The following CNTNAP5 variants were observed in gnomAD, a reference collection of about 807,000 sequenced individuals.
CNTNAP5 encodes contactin associated protein family member 5, also known as contactin-associated protein-like 5.
CNTNAP5 carries 72 observed loss-of-function variants against 150.2 expected under a neutral mutation model. The observed-to-expected ratio is 0.48, with a 90% confidence interval of 0.40 to 0.58. The LOEUF (loss-of-function observed/expected upper bound fraction) is 0.58, where lower values mean the gene tolerates loss of function less well. Ranked by LOEUF, CNTNAP5 falls within the 20% of genes least tolerant of loss-of-function variation. The pLI, the probability that CNTNAP5 is intolerant of heterozygous loss-of-function variation, is 0.00. For missense variants in CNTNAP5, 1,636 were observed against 1,626.2 expected (o/e 1.01, Z -0.10); for synonymous variants, 672 against 619.8 (o/e 1.08, Z -1.25).
chr2:124,775,249 T>C (rs1229391293), intron 17 of CNTNAP5, among the ~76,000 whole-genome samples: 1 of 152,160 alleles, frequency 6.6e-6, no homozygotes, highest in African/African-American at 2.4e-5. Context: ...AATTCAGTTG[T>C]TCAATAAATA....
At chr2:124,900,473 C>T (rs1678394132) in intron 21 of CNTNAP5, among the ~76,000 whole-genome samples, 1 of 151,444 alleles carries the variant, frequency 6.6e-6, no homozygotes, top group Non-Finnish European at 1.5e-5. Context: ...TTCAGAAACA[C>T]CTCAAGGTTT....
intron 11 of CNTNAP5, among the ~76,000 whole-genome samples, chr2:124,599,009 C>T (rs931368060): frequency 1.3e-5 from 2 of 152,158 alleles, no homozygotes; most frequent in East Asian, 1.9e-4. Flanking sequence ...GGCTCACGCA[C>T]GGTGCGCACA....
Position 124,919,358 on chromosome 2 carries a change from A to G in CNTNAP5, c.*5070A>G, listed in dbSNP as rs1678829539. On this transcript the variant is annotated 3_prime_UTR_variant, in exon 24 of 24. Transcript: ENST00000682447. ...ACTCTGAGGAAGAACAGAAAAGCAC[A>G]TTTTCTAGTGAAATATTGTACTTTG... 6.6e-6 allele frequency among the ~76,000 whole-genome samples: 1 copy of G among 152,116 alleles called. No individual in the cohort carries two copies. Among genetic ancestry groups the G allele is most frequent in the South Asian group, 2.1e-4 (1 of 4,828 alleles).
intron 1 of CNTNAP5, among the ~76,000 whole-genome samples, chr2:124,172,301 G>A (rs1276867522): frequency 2.6e-5 from 4 of 152,130 alleles, no homozygotes; most frequent in Non-Finnish European, 4.4e-5. Flanking sequence ...AGTGAGACGT[G>A]CTCAGTTTAG....
rs1573624466 is a variant in CNTNAP5, at chr2:124,798,374, G to A, written c.3217+54G>A. The A allele has an allele frequency of 4.7e-6, 6 of 1,271,130 alleles. No individual in the cohort carries two copies. The East Asian group carries it at 1.4e-4, about 29-fold the overall frequency. The allele number at this position is 1,271,130 out of a possible 1,614,324, so 78.7% of individuals were successfully genotyped here. On this transcript the variant is annotated intron_variant, in intron 19 of 23. Transcript: ENST00000682447. ...AGTCTCAGCCTGGGCTGGAGGGACG[G>A]TGCATGCCCTCCAGAACTCTGCATA...
intron 3 of CNTNAP5, among the ~76,000 whole-genome samples, chr2:124,367,664 T>G (rs985379676): frequency 6.6e-6 from 1 of 152,142 alleles, no homozygotes; most frequent in Non-Finnish European, 1.5e-5. Context: ...CTGAATGCAG[T>G]CTGTTGGCAT....
rs370486486 is a variant in CNTNAP5, at chr2:124,887,775, C to T, written c.3437-15107C>T. Among the ~76,000 whole-genome samples the T allele has an allele frequency of 5.2e-4, 79 of 152,068 alleles. 1 individual carries two copies. The highest frequency in any genetic ancestry group is 2.1e-3 in the Admixed American group (32 of 15,260). Reference sequence around the variant, plus strand: ...TTTTCATTCCTGGCATGGGAGACCCCGTGTACAGCCTGGTCTTGCAGAGCC... The same window carrying T: ...TTTTCATTCCTGGCATGGGAGACCCTGTGTACAGCCTGGTCTTGCAGAGCC... On this transcript the variant is annotated intron_variant, in intron 21 of 23. Coordinates refer to ENST00000682447, the MANE Select transcript of CNTNAP5 (RefSeq NM_001367498.1).
intron 3 of CNTNAP5, among the ~76,000 whole-genome samples, chr2:124,372,305 T>C (rs1276608451): frequency 1.3e-5 from 2 of 152,064 alleles, no homozygotes; most frequent in Non-Finnish European, 2.9e-5. Context: ...TTTTAGGCAT[T>C]TGGACTTGGG....
intron 13 of CNTNAP5, among the ~76,000 whole-genome samples, chr2:124,688,503 G>C (rs902869413): frequency 6.6e-6 from 1 of 152,134 alleles, no homozygotes; most frequent in African/African-American, 2.4e-5. Flanking sequence ...ATGCAGAGGA[G>C]TGAGTCAGAT....
intron 1 of CNTNAP5, among the ~76,000 whole-genome samples, chr2:124,216,496 G>A (rs545149962): frequency 2.7e-4 from 41 of 151,886 alleles, no homozygotes; most frequent in African/African-American, 7.2e-5. Flanking sequence ...CCATTAACTC[G>A]TCATTTAGCA....
rs529244384 is a variant in CNTNAP5 at position 124,310,522 on chromosome 2, C to A, written c.381+68129C>A. Among the ~76,000 whole-genome samples the A allele has an allele frequency of 3.3e-5, 5 of 152,176 alleles. No individual in the cohort carries two copies. In the East Asian group the frequency reaches 9.7e-4, roughly 29 times the overall value. The stretch of plus-strand genomic sequence containing the variant: ...TTCCTTCCTCTAATGCCCCCTTTCC[C>A]GTGCCCAAGCCCTCCCTTAACAAAC... On this transcript the variant is annotated intron_variant, in intron 3 of 23. Transcript: ENST00000682447.
intron 18 of CNTNAP5, 132 bp downstream of exon 18, chr2:124,790,273 G>T (rs957798499): frequency 1.5e-5 from 14 of 963,094 alleles, no homozygotes; most frequent in Non-Finnish European, 2.1e-5. Context: ...AGTCTGCATA[G>T]TTCTTCAACG....
chr2:124,319,451 T>C (rs1345185596), intron 3 of CNTNAP5, among the ~76,000 whole-genome samples: 2 of 152,252 alleles, frequency 1.3e-5, no homozygotes, highest in East Asian at 1.9e-4. Flanking sequence ...ACTGGCACAG[T>C]TGAAAATAAG....
intron 12 of CNTNAP5, among the ~76,000 whole-genome samples, chr2:124,625,240 C>T (rs1244158825): frequency 6.6e-6 from 1 of 152,240 alleles, no homozygotes; most frequent in Non-Finnish European, 1.5e-5. Flanking sequence ...CCTCCGTGTC[C>T]GTCACTTTCC....
intron 19 of CNTNAP5, among the ~76,000 whole-genome samples, chr2:124,840,532 A>T (rs1175571533): frequency 6.6e-6 from 1 of 152,076 alleles, no homozygotes; most frequent in Non-Finnish European, 1.5e-5. Context: ...ATTTAGTAAG[A>T]CATGCTGGCT....
chr2:124,122,265 G>A (rs1486043985), intron 1 of CNTNAP5, among the ~76,000 whole-genome samples: 2 of 152,126 alleles, frequency 1.3e-5, no homozygotes, highest in Non-Finnish European at 1.5e-5. Context: ...CTTAAGTCCA[G>A]GGAAATGATA....
chr2:124,381,024 T>A (rs2565754), intron 3 of CNTNAP5, among the ~76,000 whole-genome samples: 131,525 of 152,190 alleles, frequency 0.86, 56,967 homozygotes, highest in South Asian at 0.92. Flanking sequence ...CTGAAACTTG[T>A]CCCTTCAGAA....
chr2:124,074,438 A>C (rs552902289), intron 1 of CNTNAP5, among the ~76,000 whole-genome samples: 2 of 152,268 alleles, frequency 1.3e-5, no homozygotes, highest in South Asian at 4.1e-4. Context: ...GCCTATATCA[A>C]AGTATCTCAT....
chr2:124,707,140 G>GGAAGAAGAAGAAGAAGAAGAAGAA lies in CNTNAP5; in HGVS notation c.2078-40046_2078-40023dup, dbSNP rs76714465. On this transcript the variant is annotated intron_variant, in intron 13 of 23. Coordinates refer to ENST00000682447, the MANE Select transcript of CNTNAP5 (RefSeq NM_001367498.1). ...AGAAGAAGAAAGAAGAAGAAGAAGAGGAAGAAGAAGAAGAAGAAGAAGAAG... is the reference window on the plus strand; with the variant it reads ...AGAAGAAGAAAGAAGAAGAAGAAGAGGAAGAAGAAGAAGAAGAAGAAGAAGAAGAAGAAGAAGAAGAAGAAGAAG... Among the ~76,000 whole-genome samples, 128 of 86,474 alleles carry GGAAGAAGAAGAAGAAGAAGAAGAA rather than the reference G, an allele frequency of 1.5e-3. 4 individuals are homozygous for GGAAGAAGAAGAAGAAGAAGAAGAA. Among genetic ancestry groups the GGAAGAAGAAGAAGAAGAAGAAGAA allele is most frequent in the African/African-American group, 4.2e-3 (91 of 21,778 alleles). 56.7% of individuals were successfully genotyped at this position (86,474 alleles called of 152,430 possible). A position where few individuals can be genotyped will look rare whatever the true frequency, so the allele number is the denominator to read the frequency against.
Sources: allele counts gnomAD v4.1 joint callset (sites outside exome capture counted in the v4.1 genomes callset), GRCh38; gene constraint gnomAD v4.1.1; transcripts MANE v1.5; gene names NCBI Gene and HGNC (gene_info 2026-07-23, HGNC 2026-07-21).